ATIC: variants seen among roughly 807,000 people sequenced by gnomAD.
ATIC encodes the protein bifunctional purine biosynthesis protein ATIC.
Under a neutral mutation model 72.5 loss-of-function variants are expected in ATIC, and 64 were observed. The observed-to-expected ratio is 0.88, with a 90% confidence interval of 0.72 to 1.09. The LOEUF (loss-of-function observed/expected upper bound fraction) is 1.09. Among genes scored for constraint, ATIC ranks in the 50% least tolerant of loss-of-function variants. ATIC has a pLI of 0.00. For synonymous variants in ATIC, 281 were observed against 267.1 expected, an observed-to-expected ratio of 1.05 and a Z score of -0.51; for missense variants, 787 against 732.4, an observed-to-expected ratio of 1.07 and a Z score of -0.86.
intron 2 of ATIC, among the ~76,000 whole-genome samples, chr2:215,314,655 C>T (rs149155283): frequency 0.014 from 2,159 of 152,150 alleles, 38 homozygotes; most frequent in African/African-American, 0.048. Flanking sequence ...CCCGCCACCA[C>T]GCCTGGCTAA....
At position 215,346,819 on chromosome 2, in the gene ATIC, A is replaced by C. The variant is rs773451799; in HGVS notation, c.1381A>C (p.Lys461Gln). The C allele has an allele frequency of 1.9e-6, 3 of 1,614,186 alleles. No individual in the cohort carries two copies. Among genetic ancestry groups the C allele is most frequent in the Admixed American group, 1.7e-5 (1 of 60,028 alleles). Reference protein sequence around the residue: ...RIHCTRLAGDKANYWWLRHHP... With the variant: ...RIHCTRLAGDQANYWWLRHHP... ...ACACTGCACTCGCCTTGCAGGAGAT[A>C]AGGCAAACTATTGGTGGCTTAGACA... Residue 461 changes from lysine to glutamine, a missense_variant, in exon 14 of 16, where the codon AAG becomes CAG. Transcript: ENST00000236959.
At chr2:215,312,265 G>A in intron 1 of ATIC, 104 bp downstream of exon 1, 2 of 1,453,212 alleles carry the variant, frequency 1.4e-6, no homozygotes, top group South Asian at 2.8e-5. Flanking sequence ...GGGCGGCGCT[G>A]CGGGATTGAA....
At chr2:215,349,975 G>C (rs1204275267), downstream of ATIC, among the ~76,000 whole-genome samples, 1 of 152,162 alleles carries the variant, frequency 6.6e-6, no homozygotes, top group African/African-American at 2.4e-5. Flanking sequence ...CTGTGTACAG[G>C]CCACACTTAA....
chr2:215,349,885 C>T (rs1218891287), downstream of ATIC: 3 of 673,216 alleles, frequency 4.5e-6, no homozygotes, highest in Non-Finnish European at 4.9e-6. Context: ...CTCAGCCCAT[C>T]CCACAGCACT....
rs755609164 is a variant in ATIC, at chr2:215,326,845, T to A, written c.555T>A (p.Tyr185Ter). 1.7e-5 allele frequency: 27 copies of A among 1,613,988 alleles called. No individual in the cohort carries two copies. The highest frequency in any genetic ancestry group is 2.0e-5 in the Non-Finnish European group (24 of 1,180,046). ...AGGCATTCACTCATACGGCACAATATGATGAAGCAATTTCAGATTATTTCA... is the reference window on the plus strand; with the variant it reads ...AGGCATTCACTCATACGGCACAATAAGATGAAGCAATTTCAGATTATTTCA... ...ALKAFTHTAQ[Y>*]DEAISDYFRK... Residue 185 changes from tyrosine to a stop codon, truncating the protein, a stop_gained, in exon 7 of 16, where the codon TAT (tyrosine) becomes TAA (stop). Transcript: ENST00000236959. LOFTEE classifies it high-confidence loss of function.
At chr2:215,339,012 G>T in intron 12 of ATIC, 105 bp downstream of exon 12, 1 of 1,450,026 alleles carries the variant, frequency 6.9e-7, no homozygotes, top group Non-Finnish European at 9.6e-7. Flanking sequence ...GAACTGGTCT[G>T]TATGCACACG....
chr2:215,325,713 C>T (rs753503774), intron 5 of ATIC, among the ~76,000 whole-genome samples: 10 of 152,024 alleles, frequency 6.6e-5, no homozygotes, highest in Non-Finnish European at 1.3e-4. Context: ...CAGGTGCACA[C>T]CACCACGCCT....
chr2:215,312,548 C>G lies in ATIC; in HGVS notation c.70C>G (p.Leu24Val), dbSNP rs1162373984. Reference sequence around the variant, plus strand: ...CGGCCTTGTGGAATTTGCAAGAAACCTGACCGCTCTTGGTTTGAATCTGGT... The same window carrying G: ...CGGCCTTGTGGAATTTGCAAGAAACGTGACCGCTCTTGGTTTGAATCTGGT... Reference protein sequence around the residue: ...KTGLVEFARNLTALGLNLVAS... With the variant: ...KTGLVEFARNVTALGLNLVAS... Residue 24 changes from leucine to valine, a missense_variant, in exon 2 of 16, where the codon CTG becomes GTG. Coordinates refer to ENST00000236959, the MANE Select transcript of ATIC (RefSeq NM_004044.7). The G allele has an allele frequency of 6.2e-7, 1 of 1,614,230 alleles. No homozygotes were observed. The highest frequency in any genetic ancestry group is 2.2e-5 in the East Asian group (1 of 44,890).
chr2:215,362,763 G>A, the ATIC span: 2 of 153,572 alleles, frequency 1.3e-5, no homozygotes, highest in African/African-American at 4.8e-5. Context: ...GGACACACAT[G>A]TTCTCTTTCA....
At chr2:215,325,543 C>T (rs1006152506) in intron 5 of ATIC, among the ~76,000 whole-genome samples, 2 of 151,072 alleles carry the variant, frequency 1.3e-5, no homozygotes, top group Non-Finnish European at 3.0e-5. Context: ...GGTTATTTTC[C>T]TGATTTATTT....
intron 2 of ATIC, among the ~76,000 whole-genome samples, chr2:215,317,933 C>G (rs2052727001): frequency 6.6e-6 from 1 of 152,124 alleles, no homozygotes; most frequent in Non-Finnish European, 1.5e-5. Context: ...CCAATTATCC[C>G]TGAACATACA....
intron 14 of ATIC, among the ~76,000 whole-genome samples, chr2:215,348,057 C>A (rs1024068490): frequency 6.6e-6 from 1 of 152,160 alleles, no homozygotes; most frequent in East Asian, 1.9e-4. Flanking sequence ...GGGCATACTT[C>A]CCCTGAAGCC....
chr2:215,317,793 A>T (rs2052726000), intron 2 of ATIC, among the ~76,000 whole-genome samples: 1 of 152,006 alleles, frequency 6.6e-6, no homozygotes, highest in East Asian at 1.9e-4. Context: ...CCGGCCAAGG[A>T]TATTTTTAAT....
chr2:215,315,189 G>C (rs1364236564), intron 2 of ATIC, among the ~76,000 whole-genome samples: 4 of 152,168 alleles, frequency 2.6e-5, no homozygotes, highest in Non-Finnish European at 5.9e-5. Context: ...TTTACGTCCA[G>C]CTCCTAGACA....
chr2:215,353,165 T>C (rs1179685083), downstream of ATIC, among the ~76,000 whole-genome samples: 2 of 152,236 alleles, frequency 1.3e-5, no homozygotes, highest in Non-Finnish European at 2.9e-5. Flanking sequence ...TGTGAACCTT[T>C]CCCTTTGCGC....
chr2:215,368,186 C>CT, the ATIC span, among the ~76,000 whole-genome samples: 1 of 152,216 alleles, frequency 6.6e-6, no homozygotes, highest in African/African-American at 2.4e-5. Flanking sequence ...ATTAACTGCT[C>CT]TAAAAAACCA....
chr2:215,337,762 A>G (rs2052972770), intron 11 of ATIC, among the ~76,000 whole-genome samples: 1 of 152,146 alleles, frequency 6.6e-6, no homozygotes, highest in Non-Finnish European at 1.5e-5. Flanking sequence ...CATGGAAAAT[A>G]TTTTCCAAAA....
At chr2:215,316,911 C>T (rs1174074807) in intron 2 of ATIC, among the ~76,000 whole-genome samples, 1 of 152,086 alleles carries the variant, frequency 6.6e-6, no homozygotes, top group Non-Finnish European at 1.5e-5. Flanking sequence ...TATAGGCATG[C>T]CCCACCATGC....
At chr2:215,357,758 T>G in the ATIC span, among the ~76,000 whole-genome samples, 1 of 152,300 alleles carries the variant, frequency 6.6e-6, no homozygotes, top group East Asian at 1.9e-4. Context: ...TTCCTTAGTT[T>G]CTGCAAGGTC....
Sources: gnomAD v4.1 joint callset for allele counts (sites outside exome capture counted in the v4.1 genomes callset) on GRCh38, gnomAD v4.1.1 for gene constraint, MANE v1.5 for transcripts, NCBI Gene and HGNC (gene_info 2026-07-23, HGNC 2026-07-21) for gene names.